The following RAB38 variants were observed in gnomAD, a reference collection of about 807,000 sequenced individuals.
RAB38 encodes ras-related protein Rab-38.
A neutral mutation model predicts 18.4 loss-of-function variants in RAB38; 15 were observed. That is an observed-to-expected ratio of 0.82 (90% confidence interval 0.55 to 1.26). The LOEUF is 1.26. RAB38 is among the 50% of genes most tolerant of loss of function. RAB38 has a pLI of 0.00. For synonymous variants in RAB38, 101 were observed against 104.4 expected (o/e 0.97, Z 0.20); for missense variants, 294 against 267.4 (o/e 1.10, Z -0.69).
the RAB38 span, among the ~76,000 whole-genome samples, chr11:87,921,776 A>G: frequency 6.6e-6 from 1 of 151,780 alleles, no homozygotes; most frequent in South Asian, 2.1e-4. Flanking sequence ...GAGTAAAAAT[A>G]TTGGTTGGTA....
At chr11:88,030,459 C>T in the RAB38 span, among the ~76,000 whole-genome samples, 6 of 151,664 alleles carry the variant, frequency 4.0e-5, no homozygotes, top group South Asian at 1.0e-3. Context: ...TTGAAAGGAT[C>T]AACAAAATTG....
At chr11:88,025,677 T>C in the RAB38 span, among the ~76,000 whole-genome samples, 1 of 152,224 alleles carries the variant, frequency 6.6e-6, no homozygotes, top group African/African-American at 2.4e-5. Flanking sequence ...TATGTCTTCT[T>C]TTGAAAAGTG....
chr11:87,819,866 G>A, the RAB38 span, among the ~76,000 whole-genome samples: 2 of 150,744 alleles, frequency 1.3e-5, no homozygotes, highest in South Asian at 2.1e-4. Flanking sequence ...CTCTATCTTC[G>A]AGAAGCTCTA....
At chr11:88,144,396 T>C (rs1942954673) in intron 2 of RAB38, among the ~76,000 whole-genome samples, 1 of 152,168 alleles carries the variant, frequency 6.6e-6, no homozygotes, top group South Asian at 2.1e-4. Context: ...AGAAGAAAGT[T>C]TCCTGAGTTC....
the RAB38 span, among the ~76,000 whole-genome samples, chr11:88,028,367 A>C: frequency 1.3e-5 from 2 of 152,218 alleles, no homozygotes; most frequent in African/African-American, 4.8e-5. Flanking sequence ...AAACGGAACA[A>C]AGCTGGAAAG....
chr11:88,120,770 G>A (rs1942618726), intron 2 of RAB38, among the ~76,000 whole-genome samples: 1 of 151,992 alleles, frequency 6.6e-6, no homozygotes, highest in Non-Finnish European at 1.5e-5. Flanking sequence ...CCTTTCTGTA[G>A]CTCTAGAGCC....
At chr11:88,153,608 A>G (rs190670532) in intron 1 of RAB38, among the ~76,000 whole-genome samples, 1 of 152,240 alleles carries the variant, frequency 6.6e-6, no homozygotes, top group African/African-American at 2.4e-5. Flanking sequence ...CCAAATATAA[A>G]CATAAATGTA....
the RAB38 span, among the ~76,000 whole-genome samples, chr11:88,053,791 C>CTT: frequency 0.015 from 2,057 of 139,442 alleles, 17 homozygotes; most frequent in Middle Eastern, 0.031. Context: ...AGGACTTAAG[C>CTT]TTTTTTTTTT....
the RAB38 span, among the ~76,000 whole-genome samples, chr11:87,908,713 A>G: frequency 2.0e-5 from 3 of 151,864 alleles, no homozygotes; most frequent in Non-Finnish European, 4.4e-5. Context: ...TAAACCATAA[A>G]CCTATATTAT....
intron 1 of RAB38, among the ~76,000 whole-genome samples, chr11:88,172,250 G>A (rs368488135): frequency 6.6e-6 from 1 of 152,162 alleles, no homozygotes; most frequent in South Asian, 2.1e-4. Flanking sequence ...TGGAATCACT[G>A]GAATCCAGGC....
the RAB38 span, among the ~76,000 whole-genome samples, chr11:88,020,063 C>T: frequency 1.5e-4 from 23 of 152,176 alleles, no homozygotes; most frequent in South Asian, 4.4e-3. Context: ...GTCTTTGAGA[C>T]AACTTGAATG....
At chr11:88,028,572 C>T in the RAB38 span, among the ~76,000 whole-genome samples, 316 of 152,176 alleles carry the variant, frequency 2.1e-3, no homozygotes, top group Non-Finnish European at 3.5e-3. Flanking sequence ...TCGAAAACTA[C>T]ATGAAGAATG....
chr11:87,918,279 A>G, the RAB38 span, among the ~76,000 whole-genome samples: 5 of 152,076 alleles, frequency 3.3e-5, no homozygotes, highest in Admixed American at 6.6e-5. Context: ...TTCTTTATCC[A>G]TTCATTCACT....
the RAB38 span, among the ~76,000 whole-genome samples, chr11:87,832,166 T>A: frequency 2.0e-5 from 3 of 152,198 alleles, no homozygotes; most frequent in Non-Finnish European, 2.9e-5. Context: ...AGCATTGGAC[T>A]AAGTCTAGGA....
the RAB38 span, among the ~76,000 whole-genome samples, chr11:87,809,177 G>C: frequency 6.6e-6 from 1 of 152,136 alleles, no homozygotes; most frequent in Non-Finnish European, 1.5e-5. Context: ...AACATTGCCA[G>C]CTTGGATAAA....
Position 88,136,788 on chromosome 11 carries a change from C to G in RAB38, c.483+12887G>C, listed in dbSNP as rs550316281. On this transcript the variant is annotated intron_variant, in intron 2 of 2. Coordinates refer to ENST00000243662, the MANE Select transcript of RAB38 (RefSeq NM_022337.3). ...CCCTCAAAATCCAAGAAGCTCAACACTTACACAGTAATTGTAGTTGAAATC... is the reference window on the plus strand; with the variant it reads ...CCCTCAAAATCCAAGAAGCTCAACAGTTACACAGTAATTGTAGTTGAAATC... 2.8e-4 allele frequency among the ~76,000 whole-genome samples: 43 copies of G among 152,298 alleles called. 1 individual carries two copies. Among genetic ancestry groups the G allele is most frequent in the African/African-American group, 1.0e-3 (42 of 41,580 alleles).
At chr11:88,144,155 C>A (rs55901728) in intron 2 of RAB38, among the ~76,000 whole-genome samples, 28,345 of 152,128 alleles carry the variant, frequency 0.19, 2,816 homozygotes, top group African/African-American at 0.26. Context: ...TATTATGATT[C>A]TCAGTTTGCT....
chr11:87,848,308 A>G, the RAB38 span, among the ~76,000 whole-genome samples: 3 of 151,532 alleles, frequency 2.0e-5, no homozygotes, highest in Non-Finnish European at 2.9e-5. Context: ...GACATTAAGC[A>G]TATCCTTTCA....
At chr11:88,125,956 C>A (rs11824445) in intron 2 of RAB38, among the ~76,000 whole-genome samples, 18,438 of 152,158 alleles carry the variant, frequency 0.12, 1,567 homozygotes, top group African/African-American at 0.24. Context: ...TTCCCAGCAC[C>A]ATTTATTAAA....
Sources: gnomAD v4.1 joint callset for allele counts (sites outside exome capture counted in the v4.1 genomes callset) on GRCh38, gnomAD v4.1.1 for gene constraint, MANE v1.5 for transcripts, NCBI Gene and HGNC (gene_info 2026-07-23, HGNC 2026-07-21) for gene names.